TRIO: variants seen among roughly 807,000 people sequenced by gnomAD.
TRIO encodes trio Rho guanine nucleotide exchange factor.
TRIO carries 58 observed loss-of-function variants against 351.9 expected under a neutral mutation model. The observed-to-expected ratio is 0.16, with a 90% confidence interval of 0.13 to 0.21. The LOEUF (loss-of-function observed/expected upper bound fraction) is 0.21, where lower values mean the gene tolerates loss of function less well. Ranked by LOEUF, TRIO falls within the 10% of genes least tolerant of loss-of-function variation. The pLI is 1.00. For missense variants in TRIO, 3,201 were observed against 4,027.8 expected, an observed-to-expected ratio of 0.79 and a Z score of 5.56; for synonymous variants, 1,758 against 1,595.7, an observed-to-expected ratio of 1.10 and a Z score of -2.42.
rs775092041 is a variant in TRIO at position 14,471,320 on chromosome 5, A to C, written c.5766A>C (p.Ala1922=). 1 of 1,613,770 alleles carries C rather than the reference A, an allele frequency of 6.2e-7. No homozygotes were observed. The highest frequency in any genetic ancestry group is 8.5e-7 in the Non-Finnish European group (1 of 1,179,826). The change falls in exon 38 of 57, where the codon GCA becomes GCC. Residue 1922 remains alanine (A), a splice_region_variant and synonymous_variant. Coordinates refer to ENST00000344204, the MANE Select transcript of TRIO (RefSeq NM_007118.4). The part of the protein sequence containing the change: ...AIEELVKSKM[A]LEDRPSSLLV... ...TTGATTATGTCAATTTCTTCCAGGC[A>C]CTGGAGGATCGCCCCAGCTCACTCC...
intron 19 of TRIO, 120 bp from the exon 20 acceptor site, chr5:14,377,892 A>T: frequency 1.4e-6 from 1 of 711,154 alleles, no homozygotes. Context: ...GTGATTCTTT[A>T]TTTATCGTGC....
chr5:14,443,976 A>T (rs539752432), intron 34 of TRIO, among the ~76,000 whole-genome samples: 2 of 152,244 alleles, frequency 1.3e-5, no homozygotes, highest in South Asian at 4.2e-4. Context: ...TATTCCCCTG[A>T]CTCAAGCTCA....
In TRIO at chr5:14,286,154, C is replaced by T. The variant is rs537148377; in HGVS notation, c.348-717C>T. On this transcript the variant is annotated intron_variant, in intron 3 of 56. Transcript: ENST00000344204. The surrounding 1 kb of genome is among the most constrained non-coding windows in gnomAD (Gnocchi z 4.4). ...ATAGTGACTCCCAGCACTGCCTTGA[C>T]GTGTGTCAGAGGCCAGCAGTGTTAA... 6.6e-6 allele frequency among the ~76,000 whole-genome samples: 1 copy of T among 151,870 alleles called. No individual in the cohort carries two copies. Among genetic ancestry groups the T allele is most frequent in the African/African-American group, 2.4e-5 (1 of 41,418 alleles).
intron 1 of TRIO, among the ~76,000 whole-genome samples, chr5:14,189,666 C>G (rs76407530): frequency 0.014 from 2,192 of 151,612 alleles, 16 homozygotes; most frequent in Non-Finnish European, 0.024. Context: ...TTAAAAAGGT[C>G]TGTAGCTCAT....
chr5:14,421,227 A>ATTTATTTTATTTTAT lies in TRIO; in HGVS notation c.5203+1250_5203+1264dup, dbSNP rs77834736. Among the ~76,000 whole-genome samples the ATTTATTTTATTTTAT allele has an allele frequency of 8.9e-3, 1,049 of 118,054 alleles. 8 individuals are homozygous for ATTTATTTTATTTTAT. The highest frequency in any genetic ancestry group is 0.029 in the East Asian group (113 of 3,960). The allele number at this position is 118,054 out of a possible 152,430, so 77.4% of individuals were successfully genotyped here. On this transcript the variant is annotated intron_variant, in intron 34 of 56. Transcript: ENST00000344204. Reference sequence around the variant, plus strand: ...TTTTCCCTTATTTAATTATTTATTTATTTATTTTATTTTATTTTATTTTAT... The same window carrying ATTTATTTTATTTTAT: ...TTTTCCCTTATTTAATTATTTATTTATTTATTTTATTTTATTTTATTTTATTTTATTTTATTTTAT...
Position 14,487,768 on chromosome 5 carries a change from CGCG to C in TRIO, c.7143_7145del (p.Ala2382del). 1 of 1,369,190 alleles carries C rather than the reference CGCG, an allele frequency of 7.3e-7. No homozygotes were observed. The highest frequency in any genetic ancestry group is 9.5e-7 in the Non-Finnish European group (1 of 1,058,188). The allele number at this position is 1,369,190 out of a possible 1,614,324, so 84.8% of individuals were successfully genotyped here. On this transcript the variant is annotated inframe_deletion, in exon 48 of 57. Coordinates refer to ENST00000344204, the MANE Select transcript of TRIO (RefSeq NM_007118.4). ...CCGGGCCCTCCCTGCCTCCCCCTGGCGCGGCCCCCGAGGCCGGCCCCAGCGCGC... is the reference window on the plus strand; with the variant it reads ...CCGGGCCCTCCCTGCCTCCCCCTGGCGCCCCCGAGGCCGGCCCCAGCGCGC...
intron 35 of TRIO, among the ~76,000 whole-genome samples, chr5:14,461,895 C>T (rs1753843804): frequency 6.6e-6 from 1 of 152,192 alleles, no homozygotes; most frequent in Non-Finnish European, 1.5e-5. Context: ...TCCCATGTCA[C>T]CAAAGGTAAG....
intron 3 of TRIO, among the ~76,000 whole-genome samples, chr5:14,281,801 C>T (rs556806588): frequency 5.3e-5 from 8 of 152,178 alleles, no homozygotes; most frequent in South Asian, 2.1e-4. Context: ...AGAGAAAACT[C>T]GGCCATAATA....
At chr5:14,483,103 A>G (rs1391021648) in intron 46 of TRIO, among the ~76,000 whole-genome samples, 3 of 152,306 alleles carry the variant, frequency 2.0e-5, no homozygotes, top group South Asian at 4.1e-4. Flanking sequence ...GGATTGCTCT[A>G]TGATCAGAGA....
intron 40 of TRIO, among the ~76,000 whole-genome samples, chr5:14,475,969 A>C (rs1273626058): frequency 6.6e-6 from 1 of 152,268 alleles, no homozygotes; most frequent in Non-Finnish European, 1.5e-5. Context: ...AGACAACTAC[A>C]GCCCAGAAAA....
Position 14,397,160 on chromosome 5 carries a change from G to T in TRIO, c.4423+6G>T, listed in dbSNP as rs1416539959. On this transcript the variant is annotated splice_donor_region_variant and intron_variant, in intron 29 of 56. Transcript: ENST00000344204. ...GCACCTCAGCATGCTGGAAGGTAAA[G>T]GACCCTCCATACCCCAGTGTGCATC... 6.3e-7 allele frequency: 1 copy of T among 1,597,134 alleles called. No individual in the cohort carries two copies. The highest frequency in any genetic ancestry group is 8.5e-7 in the Non-Finnish European group (1 of 1,171,866).
intron 34 of TRIO, among the ~76,000 whole-genome samples, chr5:14,425,232 C>A (rs59100818): frequency 0.065 from 9,939 of 152,242 alleles, 1,076 homozygotes; most frequent in African/African-American, 0.23. Flanking sequence ...CCTCCGCTCT[C>A]TCCTCCCAGC....
chr5:14,342,107 G>T (rs753118883), intron 11 of TRIO, among the ~76,000 whole-genome samples: 1 of 151,964 alleles, frequency 6.6e-6, no homozygotes, highest in Non-Finnish European at 1.5e-5. Context: ...TCTGCAAGGG[G>T]AAAAGAGGGA....
chr5:14,400,769 G>A (rs1029540887), intron 30 of TRIO, among the ~76,000 whole-genome samples, 194 bp from the exon 31 acceptor site: 4 of 152,164 alleles, frequency 2.6e-5, no homozygotes, highest in East Asian at 1.9e-4. Context: ...CACAGGAAGC[G>A]AAGGATGAAA....
intron 34 of TRIO, among the ~76,000 whole-genome samples, chr5:14,456,125 C>T (rs576716051): frequency 2.0e-5 from 3 of 152,254 alleles, no homozygotes; most frequent in Non-Finnish European, 2.9e-5. Context: ...CTAAGCCCCT[C>T]GCTGCCTGGG....
At chr5:14,189,131 A>G (rs925494507) in intron 1 of TRIO, among the ~76,000 whole-genome samples, 5 of 152,166 alleles carry the variant, frequency 3.3e-5, no homozygotes, top group African/African-American at 1.2e-4. Flanking sequence ...ATTTATTTCT[A>G]TTTTTAATAT....
intron 19 of TRIO, among the ~76,000 whole-genome samples, chr5:14,376,868 C>G (rs1263037962): frequency 6.6e-6 from 1 of 152,164 alleles, no homozygotes; most frequent in Non-Finnish European, 1.5e-5. Context: ...ATTACCTGTT[C>G]CCTTACTCTT....
chr5:14,308,924 T>C (rs1014929207), intron 8 of TRIO, among the ~76,000 whole-genome samples: 1 of 150,974 alleles, frequency 6.6e-6, no homozygotes, highest in African/African-American at 2.4e-5. Flanking sequence ...CTAGTCCATC[T>C]GTCCATCCAC....
chr5:14,369,600 T>C, intron 18 of TRIO, 77 bp downstream of exon 18: 1 of 1,486,388 alleles, frequency 6.7e-7, no homozygotes, highest in South Asian at 1.4e-5. Context: ...AGTCATCGCT[T>C]CCCAAGGGAG....
Sources: gnomAD v4.1 joint callset for allele counts (sites outside exome capture counted in the v4.1 genomes callset) on GRCh38, gnomAD v4.1.1 for gene constraint, Gnocchi (gnomAD v3.1) non-coding constraint, MANE v1.5 for transcripts, NCBI Gene and HGNC (gene_info 2026-07-23, HGNC 2026-07-21) for gene names.